Variants in ST6GAL2 observed in about 807,000 individuals in gnomAD.
The protein encoded by ST6GAL2 is ST6 beta-galactoside alpha-2,6-sialyltransferase 2.
A neutral mutation model predicts 37.5 loss-of-function variants in ST6GAL2; 24 were observed. The observed-to-expected ratio is 0.64, with a 90% CI of 0.46 to 0.90. The LOEUF (loss-of-function observed/expected upper bound fraction) is 0.90. Ranked by LOEUF, ST6GAL2 falls within the 40% of genes least tolerant of loss-of-function variation. The pLI is 0.00. For missense variants in ST6GAL2, 715 were observed against 712.7 expected (o/e 1.00, Z -0.04); for synonymous variants, 306 against 295.1 (o/e 1.04, Z -0.38).
intron 1 of ST6GAL2, among the ~76,000 whole-genome samples, chr2:106,875,997 G>A (rs143838609): frequency 3.0e-4 from 46 of 152,182 alleles, no homozygotes; most frequent in Middle Eastern, 3.4e-3. Flanking sequence ...ATGAGGTCTC[G>A]TTCTGTCCCC....
At chr2:106,815,731 C>T (rs180966735) in intron 5 of ST6GAL2, among the ~76,000 whole-genome samples, 19 of 152,268 alleles carry the variant, frequency 1.2e-4, no homozygotes, top group Admixed American at 2.0e-4. Flanking sequence ...TGCTAAGTAA[C>T]TTGTTCAAGG....
chr2:106,859,191 AG>A (rs1405991394), intron 1 of ST6GAL2, among the ~76,000 whole-genome samples: 9 of 152,200 alleles, frequency 5.9e-5, no homozygotes, highest in Non-Finnish European at 8.8e-5. Flanking sequence ...ATCACCTAAA[AG>A]GGTTGGCTGA....
chr2:106,816,912 G>T (rs1449057545), intron 5 of ST6GAL2, among the ~76,000 whole-genome samples: 1 of 152,174 alleles, frequency 6.6e-6, no homozygotes, highest in Non-Finnish European at 1.5e-5. Context: ...CTTGTGGGGA[G>T]GGAAAGTGCA....
intron 1 of ST6GAL2, among the ~76,000 whole-genome samples, chr2:106,850,172 TG>T (rs927548152): frequency 6.6e-6 from 1 of 152,046 alleles, no homozygotes; most frequent in Non-Finnish European, 1.5e-5. Context: ...TTGTTTGTCA[TG>T]GGGAGATGAC....
chr2:106,835,864 T>G (rs2104487310), intron 2 of ST6GAL2, among the ~76,000 whole-genome samples: 1 of 152,358 alleles, frequency 6.6e-6, no homozygotes, highest in Non-Finnish European at 1.5e-5. Context: ...AGTTCTTTAC[T>G]TCACAATTTA....
At chr2:106,831,568 A>G (rs1395774423) in intron 4 of ST6GAL2, among the ~76,000 whole-genome samples, 1 of 152,158 alleles carries the variant, frequency 6.6e-6, no homozygotes, top group African/African-American at 2.4e-5. Flanking sequence ...AAAAATATAC[A>G]TTGAGGCTAT....
chr2:106,844,559 T>G (rs1472949843), intron 1 of ST6GAL2, among the ~76,000 whole-genome samples: 5 of 152,048 alleles, frequency 3.3e-5, no homozygotes. Flanking sequence ...CTTCCTGTTC[T>G]CCCCATTCTG....
chr2:106,838,700 T>A (rs879471281), intron 2 of ST6GAL2, among the ~76,000 whole-genome samples: 1 of 152,160 alleles, frequency 6.6e-6, no homozygotes, highest in Non-Finnish European at 1.5e-5. Flanking sequence ...AACAAAGTTA[T>A]CTATCACTTA....
At chr2:106,821,020 T>C (rs1359487014) in intron 5 of ST6GAL2, among the ~76,000 whole-genome samples, 1 of 152,016 alleles carries the variant, frequency 6.6e-6, no homozygotes, top group East Asian at 1.9e-4. Context: ...GGAAAGTTTA[T>C]AGCTATAAGC....
At chr2:106,809,795 C>T (rs1186497760) in intron 5 of ST6GAL2, among the ~76,000 whole-genome samples, 1 of 152,056 alleles carries the variant, frequency 6.6e-6, no homozygotes, top group Non-Finnish European at 1.5e-5. Context: ...TGAGGAACTA[C>T]GAGAAAAATG....
chr2:106,886,548 TTG>T (rs1558741149), upstream of ST6GAL2: 1 of 151,498 alleles, frequency 6.6e-6, no homozygotes, highest in African/African-American at 2.4e-5. Context: ...GCACGCCTCA[TTG>T]TTTCGGGCAG....
At chr2:106,856,638 C>T (rs1677586939) in intron 1 of ST6GAL2, among the ~76,000 whole-genome samples, 2 of 152,052 alleles carry the variant, frequency 1.3e-5, no homozygotes, top group Non-Finnish European at 2.9e-5. Context: ...ATGATCAAGC[C>T]CATTTTATGG....
chr2:106,876,474 C>T (rs2104637550), intron 1 of ST6GAL2, among the ~76,000 whole-genome samples: 1 of 152,206 alleles, frequency 6.6e-6, no homozygotes, highest in South Asian at 2.1e-4. Flanking sequence ...GTTAACTTTA[C>T]CTTATTTTTT....
chr2:106,816,792 G>A (rs1675815698), intron 5 of ST6GAL2, among the ~76,000 whole-genome samples: 1 of 152,084 alleles, frequency 6.6e-6, no homozygotes, highest in South Asian at 2.1e-4. Context: ...CACAGTACCT[G>A]GTTTTAATTT....
intron 1 of ST6GAL2, among the ~76,000 whole-genome samples, chr2:106,868,013 C>T (rs1678107401): frequency 6.6e-6 from 1 of 152,026 alleles, no homozygotes; most frequent in South Asian, 2.1e-4. Context: ...CAAACAAAAC[C>T]CTATGCCACT....
At chr2:106,879,175 C>G (rs1311717857) in intron 1 of ST6GAL2, among the ~76,000 whole-genome samples, 1 of 151,974 alleles carries the variant, frequency 6.6e-6, no homozygotes, top group Non-Finnish European at 1.5e-5. Context: ...TGAAAAAATG[C>G]CAAACAAAAA....
chr2:106,863,772 G>C (rs942166290), intron 1 of ST6GAL2, among the ~76,000 whole-genome samples: 3 of 152,202 alleles, frequency 2.0e-5, no homozygotes, highest in Non-Finnish European at 4.4e-5. Flanking sequence ...GGGATCGATA[G>C]AGACTGGGTA....
intron 1 of ST6GAL2, among the ~76,000 whole-genome samples, chr2:106,862,099 T>C (rs1221982853): frequency 6.6e-6 from 1 of 152,158 alleles, no homozygotes; most frequent in African/African-American, 2.4e-5. Flanking sequence ...AACAAACATC[T>C]CTTGAAGCCA....
chr2:106,881,252 G>A (rs1302215133), intron 1 of ST6GAL2, among the ~76,000 whole-genome samples: 1 of 152,172 alleles, frequency 6.6e-6, no homozygotes, highest in Non-Finnish European at 1.5e-5. Context: ...GCCTCCCAAA[G>A]TGTTGGGATT....
Sources: gnomAD v4.1 joint callset for allele counts (sites outside exome capture counted in the v4.1 genomes callset) on GRCh38, gnomAD v4.1.1 for gene constraint, MANE v1.5 for transcripts, NCBI Gene and HGNC (gene_info 2026-07-23, HGNC 2026-07-21) for gene names.